PXDNL: variants seen among roughly 807,000 people sequenced by gnomAD.
PXDNL encodes peroxidasin like.
Under a neutral mutation model 150.8 loss-of-function variants are expected in PXDNL, and 145 were observed. That is an observed-to-expected ratio of 0.96 (90% CI 0.84 to 1.10). The LOEUF is 1.10. PXDNL is among the 50% of genes least tolerant of loss of function. PXDNL has a pLI of 0.00. For synonymous variants in PXDNL, 757 were observed against 725.7 expected (o/e 1.04, Z -0.69); for missense variants, 2,087 against 1,873.9 (o/e 1.11, Z -2.10).
chr8:51,555,596 G>A (rs1288995677), intron 4 of PXDNL, among the ~76,000 whole-genome samples: 4 of 152,070 alleles, frequency 2.6e-5, no homozygotes, highest in African/African-American at 9.7e-5. Context: ...ATAAAATCAT[G>A]TTTTGAAACT....
intron 1 of PXDNL, among the ~76,000 whole-genome samples, chr8:51,676,503 G>A (rs574909394): frequency 6.6e-6 from 1 of 151,718 alleles, no homozygotes; most frequent in Non-Finnish European, 1.5e-5. Flanking sequence ...TCTCGAACTC[G>A]TGACCTCAAG....
Position 51,408,803 on chromosome 8 carries a change from G to A in PXDNL, c.2821C>T (p.Pro941Ser), listed in dbSNP as rs1808521941. The change falls in exon 17 of 23, where the codon CCC becomes TCC. Residue 941 changes from proline (P) to serine (S), a missense_variant. Transcript: ENST00000356297. Reference sequence around the variant, plus strand: ...TGCTCCTGTCGCGCGCACTCGGTGGGTGGGCCTGTAGAAAAGGGCAATAAG... The same window carrying A: ...TGCTCCTGTCGCGCGCACTCGGTGGATGGGCCTGTAGAAAAGGGCAATAAG... ...KPLLPFSTGP[P>S]TECARQEQES... 2 of 1,570,898 alleles carry A rather than the reference G, an allele frequency of 1.3e-6. No individual in the cohort carries two copies. Among genetic ancestry groups the A allele is most frequent in the Non-Finnish European group, 8.6e-7 (1 of 1,159,330 alleles).
chr8:51,363,502 G>C (rs963795424), intron 19 of PXDNL, among the ~76,000 whole-genome samples: 9 of 152,210 alleles, frequency 5.9e-5, no homozygotes, highest in East Asian at 1.9e-4. Flanking sequence ...GAGCAAGCAG[G>C]GGGTACATGA....
chr8:51,419,168 T>C (rs995616211), intron 14 of PXDNL, among the ~76,000 whole-genome samples: 1 of 152,198 alleles, frequency 6.6e-6, no homozygotes, highest in Non-Finnish European at 1.5e-5. Context: ...CACAGACAAT[T>C]AGACACTTAC....
At chr8:51,734,935 T>C (rs1045651988) in intron 1 of PXDNL, among the ~76,000 whole-genome samples, 1 of 152,150 alleles carries the variant, frequency 6.6e-6, no homozygotes, top group Non-Finnish European at 1.5e-5. Flanking sequence ...TCAAAGGATA[T>C]AAAATTTTGG....
intron 2 of PXDNL, among the ~76,000 whole-genome samples, chr8:51,633,514 T>A (rs752979525): frequency 2.0e-5 from 3 of 152,124 alleles, no homozygotes; most frequent in Non-Finnish European, 4.4e-5. Flanking sequence ...ACCAACAGCA[T>A]ATATGTGTTC....
intron 1 of PXDNL, among the ~76,000 whole-genome samples, chr8:51,773,528 C>T (rs2037321583): frequency 6.6e-6 from 1 of 152,182 alleles, no homozygotes; most frequent in East Asian, 1.9e-4. Flanking sequence ...AAAAGGAAGA[C>T]CAATAGCCCA....
intron 18 of PXDNL, among the ~76,000 whole-genome samples, chr8:51,373,523 G>GT (rs1189076201): frequency 6.6e-6 from 1 of 152,080 alleles, no homozygotes; most frequent in African/African-American, 2.4e-5. Context: ...ACCCAATTAT[G>GT]TGAGTCAAGA....
At chr8:51,381,819 A>ATT (rs755101852) in intron 17 of PXDNL, among the ~76,000 whole-genome samples, 27 of 146,134 alleles carry the variant, frequency 1.8e-4, no homozygotes, top group Admixed American at 2.1e-4. Flanking sequence ...CGCCCAGCTA[A>ATT]TTTTTTTTTT....
intron 1 of PXDNL, among the ~76,000 whole-genome samples, chr8:51,793,239 C>G (rs1028956920): frequency 2.0e-5 from 3 of 152,156 alleles, no homozygotes; most frequent in African/African-American, 7.2e-5. Context: ...AAAGAGGGGT[C>G]TGACTGTTAA....
chr8:51,578,171 A>G (rs1813131991), intron 3 of PXDNL, among the ~76,000 whole-genome samples: 1 of 151,694 alleles, frequency 6.6e-6, no homozygotes, highest in African/African-American at 2.4e-5. Context: ...AGAAAGAAGG[A>G]AAGAAAGAAA....
At chr8:51,629,643 A>C (rs1246204333) in intron 2 of PXDNL, among the ~76,000 whole-genome samples, 1 of 152,150 alleles carries the variant, frequency 6.6e-6, no homozygotes, top group Non-Finnish European at 1.5e-5. Flanking sequence ...TTTGATAGCC[A>C]AAAACAAGAG....
chr8:51,638,170 A>T (rs1311942415), intron 2 of PXDNL, among the ~76,000 whole-genome samples: 1 of 152,226 alleles, frequency 6.6e-6, no homozygotes, highest in Non-Finnish European at 1.5e-5. Context: ...TGTCACCACC[A>T]GGCCTGCCCT....
chr8:51,549,787 AC>A (rs1812442654), intron 4 of PXDNL, among the ~76,000 whole-genome samples: 1 of 152,122 alleles, frequency 6.6e-6, no homozygotes, highest in Non-Finnish European at 1.5e-5. Flanking sequence ...AGAAACAAAA[AC>A]AAGCCAAACC....
intron 1 of PXDNL, among the ~76,000 whole-genome samples, chr8:51,671,547 A>G (rs574556658): frequency 1.4e-3 from 206 of 152,328 alleles, no homozygotes; most frequent in Non-Finnish European, 2.2e-3. Flanking sequence ...TCATTTTTCA[A>G]ATAACCTACT....
intron 19 of PXDNL, among the ~76,000 whole-genome samples, chr8:51,356,750 G>A (rs1165180847): frequency 6.6e-6 from 1 of 152,076 alleles, no homozygotes; most frequent in Non-Finnish European, 1.5e-5. Flanking sequence ...TGTCTCATGA[G>A]GTTTCCCTTT....
chr8:51,678,883 C>T (rs1036153841), intron 1 of PXDNL, among the ~76,000 whole-genome samples: 1 of 152,142 alleles, frequency 6.6e-6, no homozygotes, highest in African/African-American at 2.4e-5. Flanking sequence ...AAAATTACTA[C>T]TTATTTTAAC....
chr8:51,700,927 C>G (rs1816247115), intron 1 of PXDNL, among the ~76,000 whole-genome samples: 1 of 151,706 alleles, frequency 6.6e-6, no homozygotes, highest in South Asian at 2.1e-4. Context: ...TACTCATATA[C>G]ATACACAATA....
intron 17 of PXDNL, among the ~76,000 whole-genome samples, chr8:51,380,596 T>C (rs1256488488): frequency 6.6e-6 from 1 of 152,168 alleles, no homozygotes; most frequent in Admixed American, 6.5e-5. Context: ...ATTTACTACA[T>C]AGAGTATTTG....
Sources: allele counts gnomAD v4.1 joint callset (sites outside exome capture counted in the v4.1 genomes callset), GRCh38; gene constraint gnomAD v4.1.1; transcripts MANE v1.5; gene names NCBI Gene and HGNC (gene_info 2026-07-23, HGNC 2026-07-21).